Variants in TRAPPC13 observed in about 807,000 individuals in gnomAD.
TRAPPC13 encodes REV7-interacting novel NHEJ regulator 1.
TRAPPC13 carries 39 observed loss-of-function variants against 54.0 expected under a neutral mutation model. The observed-to-expected ratio is 0.72, with a 90% CI of 0.56 to 0.94. TRAPPC13 has a LOEUF of 0.94. TRAPPC13 is among the 40% of genes least tolerant of loss of function. The pLI is 0.00. For synonymous variants in TRAPPC13, 148 were observed against 167.7 expected (o/e 0.88, Z 0.91); for missense variants, 386 against 488.1 (o/e 0.79, Z 1.97).
At chr5:65,629,769 C>G in intron 1 of TRAPPC13, 1 of 1,536,090 alleles carries the variant, frequency 6.5e-7, no homozygotes, top group Non-Finnish European at 8.7e-7. Context: ...CCTGTGATTT[C>G]TGAAGAGGCA....
At chr5:65,664,082 A>T in intron 11 of TRAPPC13, 155 bp from the exon 12 acceptor site, 2 of 757,876 alleles carry the variant, frequency 2.6e-6, no homozygotes, top group Non-Finnish European at 4.3e-6. Flanking sequence ...GTTCTATCTT[A>T]AGTGACATAA....
At chr5:65,632,472 A>G (rs1277458165) in intron 1 of TRAPPC13, among the ~76,000 whole-genome samples, 1 of 152,184 alleles carries the variant, frequency 6.6e-6, no homozygotes, top group Non-Finnish European at 1.5e-5. Context: ...TATTTCTGGT[A>G]AGGCATGACA....
At chr5:65,656,977 T>C (rs1369811793) in intron 8 of TRAPPC13, among the ~76,000 whole-genome samples, 1 of 152,116 alleles carries the variant, frequency 6.6e-6, no homozygotes, top group Non-Finnish European at 1.5e-5. Context: ...CTAGGGAGGC[T>C]GAGGCAGGAG....
chr5:65,635,030 CCA>C (rs1755696995), intron 1 of TRAPPC13: 1 of 792,508 alleles, frequency 1.3e-6, no homozygotes, highest in Non-Finnish European at 1.5e-6. Context: ...ATTATATTTT[CCA>C]GTTTTTCTAT....
chr5:65,634,147 A>T (rs62372486), intron 1 of TRAPPC13, among the ~76,000 whole-genome samples: 2,807 of 151,746 alleles, frequency 0.018, 36 homozygotes, highest in Non-Finnish European at 0.032. Flanking sequence ...CACCACGCCC[A>T]GCTAATTTTT....
intron 1 of TRAPPC13, among the ~76,000 whole-genome samples, chr5:65,632,951 T>C (rs469166): frequency 0.6 from 90,632 of 152,062 alleles, 27,379 homozygotes; most frequent in South Asian, 0.64. Flanking sequence ...ATAGCAGAAC[T>C]TACACCAAAT....
In TRAPPC13 at chr5:65,625,043, TCAAAAGTGC is replaced by T. The variant is rs777006673; in HGVS notation, c.-16_-8del. On this transcript the variant is annotated 5_prime_UTR_variant, in exon 1 of 13. Coordinates refer to ENST00000399438, the MANE Select transcript of TRAPPC13 (RefSeq NM_024941.4). ...CTGTCCAGCCCCCGTAGGCTGTGGG[TCAAAAGTGC>T]CGGTCAAAATGGAAGTGAATCCCCC... is the stretch of plus-strand genomic sequence containing the variant. The T allele has an allele frequency of 1.5e-5, 24 of 1,612,438 alleles. 1 individual carries two copies. The South Asian group carries it at 2.6e-4, about 18-fold the overall frequency.
At position 65,658,363 on chromosome 5, in the gene TRAPPC13, C is replaced by G; in HGVS notation, c.565-5C>G. ...CCTTGGTGGATATTTTTTTCATATC[C>G]TCAGACTGATGAAGTATTTCTGGAA... On this transcript the variant is annotated splice_polypyrimidine_tract_variant and splice_region_variant and intron_variant, in intron 8 of 12. Coordinates refer to ENST00000399438, the MANE Select transcript of TRAPPC13 (RefSeq NM_024941.4). 6.3e-7 allele frequency: 1 copy of G among 1,592,192 alleles called. No individual in the cohort carries two copies. The highest frequency in any genetic ancestry group is 8.6e-7 in the Non-Finnish European group (1 of 1,168,270).
intron 1 of TRAPPC13, among the ~76,000 whole-genome samples, chr5:65,631,812 A>G (rs1479365862): frequency 6.6e-6 from 1 of 152,162 alleles, no homozygotes; most frequent in Non-Finnish European, 1.5e-5. Context: ...CACAGGAATC[A>G]TGAAAAACTA....
intron 1 of TRAPPC13, among the ~76,000 whole-genome samples, chr5:65,628,984 AT>A (rs1431042088): frequency 6.6e-6 from 1 of 150,982 alleles, no homozygotes; most frequent in Admixed American, 6.6e-5. Context: ...CACCCAGCTA[AT>A]TTTTTTTTGT....
chr5:65,647,939 T>A (rs1328426171), intron 5 of TRAPPC13, among the ~76,000 whole-genome samples: 3 of 152,200 alleles, frequency 2.0e-5, no homozygotes, highest in African/African-American at 7.2e-5. Flanking sequence ...TGTATATTCT[T>A]TGGGCTTTGG....
chr5:65,660,140 C>T (rs1423298191), intron 9 of TRAPPC13, among the ~76,000 whole-genome samples: 3 of 151,918 alleles, frequency 2.0e-5, no homozygotes, highest in Non-Finnish European at 2.9e-5. Context: ...ATTTTCCATT[C>T]TTTTCTAGAT....
chr5:65,653,420 T>C (rs1200139492), intron 7 of TRAPPC13, among the ~76,000 whole-genome samples: 1 of 152,168 alleles, frequency 6.6e-6, no homozygotes, highest in Non-Finnish European at 1.5e-5. Context: ...ACAATCTGAA[T>C]TTTTACTCAG....
Position 65,651,842 on chromosome 5 carries a change from G to GTTTTTT in TRAPPC13, c.502-626_502-621dup, listed in dbSNP as rs762929434. Among the ~76,000 whole-genome samples, 59 of 41,160 alleles carry GTTTTTT rather than the reference G, an allele frequency of 1.4e-3. 15 individuals are homozygous for GTTTTTT. Among genetic ancestry groups the GTTTTTT allele is most frequent in the East Asian group, 1.9e-3 (2 of 1,054 alleles). 27.0% of individuals were successfully genotyped at this position (41,160 alleles called of 152,430 possible). A position where few individuals can be genotyped will look rare whatever the true frequency, so the allele number is the denominator to read the frequency against. ...TTGAAAGAAAATAAAACGTGATTCAGTTTTTTTTTTTTTTTTTTTTTTTTT... is the reference window on the plus strand; with the variant it reads ...TTGAAAGAAAATAAAACGTGATTCAGTTTTTTTTTTTTTTTTTTTTTTTTTTTTTTT... On this transcript the variant is annotated intron_variant, in intron 6 of 12. Transcript: ENST00000399438.
chr5:65,636,168 G>T, intron 3 of TRAPPC13, 125 bp downstream of exon 3: 1 of 628,594 alleles, frequency 1.6e-6, no homozygotes, highest in Non-Finnish European at 2.7e-6. Context: ...TTCTGAGATG[G>T]AGTCTCGCTC....
intron 5 of TRAPPC13, among the ~76,000 whole-genome samples, chr5:65,648,995 C>T (rs260043): frequency 0.6 from 91,309 of 151,904 alleles, 27,790 homozygotes; most frequent in South Asian, 0.65. Flanking sequence ...GTGGGCAGAT[C>T]GCTTGAGCTC....
rs775434020 is a variant in TRAPPC13, at chr5:65,664,566, C to T, written c.1209C>T (p.Ile403=). 8 of 1,612,368 alleles carry T rather than the reference C, an allele frequency of 5.0e-6. No individual in the cohort carries two copies. Among genetic ancestry groups the T allele is most frequent in the East Asian group, 4.5e-5 (2 of 44,872 alleles). ...FLKRTYEYDD[I]AQVCVVSSAI... ...AGAGAACATATGAATATGATGACAT[C>T]GCACAAGTCTGTGTGGTATCTTCTG... The change falls in exon 13 of 13, where the codon ATC becomes ATT. Residue 403 remains isoleucine, a synonymous_variant. Coordinates refer to ENST00000399438, the MANE Select transcript of TRAPPC13 (RefSeq NM_024941.4).
chr5:65,631,669 A>G (rs1755548268), intron 1 of TRAPPC13, among the ~76,000 whole-genome samples: 1 of 152,188 alleles, frequency 6.6e-6, no homozygotes, highest in Non-Finnish European at 1.5e-5. Context: ...AATGGCCTCC[A>G]GTTGCATCTA....
rs1254614874 is a variant in TRAPPC13 at position 65,658,455 on chromosome 5, A to G, written c.652A>G (p.Met218Val). 2 of 1,587,194 alleles carry G rather than the reference A, an allele frequency of 1.3e-6. No homozygotes were observed. Among genetic ancestry groups the G allele is most frequent in the African/African-American group, 2.7e-5 (2 of 74,574 alleles). The change falls in exon 9 of 13, where the codon ATG becomes GTG. Residue 218 changes from methionine (M) to valine (V), a missense_variant. Met to Val is a conservative substitution (Grantham distance 21). Transcript: ENST00000399438. ...GAAGGTTTCACTGGAGCCATCTATTATGTACAATGTAACAGAATTAAATTC... is the reference window on the plus strand; with the variant it reads ...GAAGGTTTCACTGGAGCCATCTATTGTGTACAATGTAACAGAATTAAATTC... Reference protein sequence around the residue: ...MEKVSLEPSIMYNVTELNSVS... With the variant: ...MEKVSLEPSIVYNVTELNSVS...
Sources: gnomAD v4.1 joint callset for allele counts (sites outside exome capture counted in the v4.1 genomes callset) on GRCh38, gnomAD v4.1.1 for gene constraint, MANE v1.5 for transcripts, NCBI Gene and HGNC (gene_info 2026-07-23, HGNC 2026-07-21) for gene names.